CCDC170: variants seen among roughly 807,000 people sequenced by gnomAD.
CCDC170 encodes the protein coiled-coil domain-containing protein 170.
In CCDC170, 69 loss-of-function variants were observed where a neutral mutation model predicts 72.6. The ratio of observed to expected loss-of-function variants is 0.95; its 90% confidence interval spans 0.78 to 1.16. The LOEUF is 1.16. Among genes scored for constraint, CCDC170 ranks in the 50% most tolerant of loss-of-function variants. The pLI, the probability that CCDC170 is intolerant of heterozygous loss-of-function variation, is 0.00. For synonymous variants in CCDC170, 300 were observed against 303.9 expected, an observed-to-expected ratio of 0.99 and a Z score of 0.13; for missense variants, 852 against 832.5, an observed-to-expected ratio of 1.02 and a Z score of -0.29.
At chr6:151,503,502 G>C (rs1782022910) in intron 1 of CCDC170, among the ~76,000 whole-genome samples, 1 of 151,950 alleles carries the variant, frequency 6.6e-6, no homozygotes, top group Non-Finnish European at 1.5e-5. Flanking sequence ...ACCCAGGCTG[G>C]AGTGCAATGG....
chr6:151,567,437 G>T (rs748978503), intron 5 of CCDC170, among the ~76,000 whole-genome samples: 5 of 151,520 alleles, frequency 3.3e-5, no homozygotes, highest in Admixed American at 6.6e-5. Flanking sequence ...TCACCATGTT[G>T]CCCAGGTTGG....
At position 151,618,445 on chromosome 6, in the gene CCDC170, A is replaced by T. The variant is rs1318328077; in HGVS notation, c.*298A>T. On this transcript the variant is annotated 3_prime_UTR_variant, in exon 11 of 11. Transcript: ENST00000239374. ...GATAATATTGGGAGGTATCTATTTT[A>T]AGTCAGGGGCTTTACTAGCCGATTT... 2.8e-6 allele frequency: 1 copy of T among 354,344 alleles called. No individual in the cohort carries two copies. The highest frequency in any genetic ancestry group is 2.1e-5 in the African/African-American group (1 of 48,228). 21.9% of individuals were successfully genotyped at this position (354,344 alleles called of 1,614,324 possible). A position where few individuals can be genotyped will look rare whatever the true frequency, so the allele number is the denominator to read the frequency against.
intron 6 of CCDC170, among the ~76,000 whole-genome samples, chr6:151,576,878 G>A (rs1195330218): frequency 3.3e-5 from 5 of 152,208 alleles, no homozygotes; most frequent in East Asian, 3.9e-4. Context: ...TAATTCTGAT[G>A]TGAAGGCTCC....
In CCDC170 at chr6:151,548,300, TC is replaced by T; in HGVS notation, c.589-3del. 6.5e-7 allele frequency: 1 copy of T among 1,544,636 alleles called. No individual in the cohort carries two copies. Among genetic ancestry groups the T allele is most frequent in the Non-Finnish European group, 8.7e-7 (1 of 1,143,096 alleles). ...TAGGACAGCTGTAATTGCTTTCTCT[TC>T]AGCTTAGAGACCTGCGCAAAGAAAA... On this transcript the variant is annotated splice_polypyrimidine_tract_variant and splice_region_variant and intron_variant, in intron 4 of 10. Coordinates refer to ENST00000239374, the MANE Select transcript of CCDC170 (RefSeq NM_025059.4).
intron 1 of CCDC170, among the ~76,000 whole-genome samples, chr6:151,527,383 C>T (rs1749876797): frequency 6.6e-6 from 1 of 152,076 alleles, no homozygotes; most frequent in South Asian, 2.1e-4. Context: ...CTCACAGCTG[C>T]CACACTCTCC....
intron 1 of CCDC170, among the ~76,000 whole-genome samples, chr6:151,503,868 G>A (rs762620297): frequency 2.0e-5 from 3 of 152,116 alleles, no homozygotes; most frequent in Admixed American, 6.6e-5. Context: ...TTGGATAAGA[G>A]GTGTGTTTTT....
intron 1 of CCDC170, among the ~76,000 whole-genome samples, chr6:151,519,423 G>A (rs1014524915): frequency 1.8e-4 from 28 of 152,036 alleles, no homozygotes; most frequent in Middle Eastern, 3.2e-3. Flanking sequence ...CTGTTATTCC[G>A]TTCTTTTTCA....
At chr6:151,540,421 G>T (rs1782670870) in intron 3 of CCDC170, among the ~76,000 whole-genome samples, 1 of 104,618 alleles carries the variant, frequency 9.6e-6, no homozygotes, top group African/African-American at 3.6e-5. Flanking sequence ...GTGTTGCTCT[G>T]TTGCCCAGGC....
intron 5 of CCDC170, among the ~76,000 whole-genome samples, chr6:151,551,771 G>A (rs555814408): frequency 3.3e-5 from 5 of 152,274 alleles, no homozygotes; most frequent in Admixed American, 2.0e-4. Flanking sequence ...CAACAGGTTG[G>A]CCCTAACCTT....
intron 5 of CCDC170, among the ~76,000 whole-genome samples, chr6:151,570,567 C>T (rs1056057149): frequency 6.6e-6 from 1 of 152,122 alleles, no homozygotes; most frequent in African/African-American, 2.4e-5. Flanking sequence ...ATATGTGTAG[C>T]TTATATGAGA....
Position 151,585,889 on chromosome 6 carries a change from A to T in CCDC170, c.1093A>T (p.Met365Leu). 6.2e-7 allele frequency: 1 copy of T among 1,612,952 alleles called. No individual in the cohort carries two copies. The highest frequency in any genetic ancestry group is 8.5e-7 in the Non-Finnish European group (1 of 1,179,468). Residue 365 changes from methionine to leucine, a missense_variant and splice_region_variant, in exon 7 of 11, where the codon ATG becomes TTG. Coordinates refer to ENST00000239374, the MANE Select transcript of CCDC170 (RefSeq NM_025059.4). ...TCTTGATCTGTTTCTTTGTTTCCAG[A>T]TGGTCTCCCAGCTTGAAGCCCAAAT... ...MDSREESRDR[M>L]VSQLEAQISE...
At position 151,596,744 on chromosome 6, in the gene CCDC170, A is replaced by G. The variant is rs536534752; in HGVS notation, c.1710+167A>G. On this transcript the variant is annotated intron_variant, in intron 9 of 10. Transcript: ENST00000239374. ...GCAAAAATGACACAAATCAGGGTAC[A>G]TATCCATTCAGTGTCTCTTCAATAT... 1.9e-4 allele frequency: 177 copies of G among 911,484 alleles called. 3 individuals are homozygous for G. The South Asian group carries it at 3.2e-3, about 16-fold the overall frequency. 56.5% of individuals were successfully genotyped at this position (911,484 alleles called of 1,614,324 possible). A position where few individuals can be genotyped will look rare whatever the true frequency, so the allele number is the denominator to read the frequency against.
intron 9 of CCDC170, among the ~76,000 whole-genome samples, chr6:151,606,683 C>T (rs1027763170): frequency 3.9e-5 from 6 of 152,142 alleles, no homozygotes; most frequent in African/African-American, 1.4e-4. Context: ...GTTGATTTTT[C>T]TGTCTACAGG....
At chr6:151,544,131 C>A (rs1274589163) in intron 3 of CCDC170, among the ~76,000 whole-genome samples, 1 of 152,088 alleles carries the variant, frequency 6.6e-6, no homozygotes, top group African/African-American at 2.4e-5. Context: ...TTATAAATCA[C>A]TGTATTGTAA....
At chr6:151,617,861 A>C in intron 10 of CCDC170, 86 bp from the exon 11 acceptor site, 9 of 1,327,102 alleles carry the variant, frequency 6.8e-6, no homozygotes, top group Non-Finnish European at 9.3e-6. Flanking sequence ...TGGGTTTTCT[A>C]CAGGTTTTTT....
chr6:151,579,913 G>C (rs961866250), intron 6 of CCDC170, among the ~76,000 whole-genome samples: 3 of 152,208 alleles, frequency 2.0e-5, no homozygotes, highest in African/African-American at 7.2e-5. Context: ...GAATTTCAGA[G>C]AGATTAGTTA....
chr6:151,564,771 G>T (rs1044697549), intron 5 of CCDC170, among the ~76,000 whole-genome samples: 15 of 152,162 alleles, frequency 9.9e-5, no homozygotes, highest in African/African-American at 3.6e-4. Flanking sequence ...TCCCCAGATG[G>T]TGTTTTCATG....
chr6:151,583,885 A>G (rs1469442589), intron 6 of CCDC170, among the ~76,000 whole-genome samples: 2 of 152,236 alleles, frequency 1.3e-5, no homozygotes, highest in African/African-American at 4.8e-5. Flanking sequence ...CAGTTAGTGG[A>G]AAAGTCAGAA....
intron 5 of CCDC170, among the ~76,000 whole-genome samples, chr6:151,550,824 A>G (rs1365238984): frequency 2.0e-5 from 3 of 152,088 alleles, no homozygotes; most frequent in Non-Finnish European, 4.4e-5. Context: ...CTTTCCTTCT[A>G]AGGGCACTAA....
Sources: allele counts gnomAD v4.1 joint callset (sites outside exome capture counted in the v4.1 genomes callset), GRCh38; gene constraint gnomAD v4.1.1; transcripts MANE v1.5; gene names NCBI Gene and HGNC (gene_info 2026-07-23, HGNC 2026-07-21).